The following RSU1 variants were observed in gnomAD, a reference collection of about 807,000 sequenced individuals.
The protein encoded by RSU1 is Ras suppressor protein 1.
RSU1 carries 26 observed loss-of-function variants against 31.1 expected under a neutral mutation model. That is an observed-to-expected ratio of 0.84 (90% CI 0.61 to 1.16). The LOEUF (loss-of-function observed/expected upper bound fraction) is 1.16. Ranked by LOEUF, RSU1 falls within the 50% of genes most tolerant of loss-of-function variation. The pLI, the probability that RSU1 is intolerant of heterozygous loss-of-function variation, is 0.00. For synonymous variants in RSU1, 164 were observed against 136.3 expected (o/e 1.20, Z -1.41); for missense variants, 320 against 339.1 (o/e 0.94, Z 0.44).
At chr10:16,712,915 G>A (rs1836051075) in intron 7 of RSU1, among the ~76,000 whole-genome samples, 3 of 152,118 alleles carry the variant, frequency 2.0e-5, no homozygotes, top group South Asian at 4.1e-4. Flanking sequence ...GCCTTTGCTT[G>A]TCTGAAAAGG....
In RSU1 at chr10:16,764,518, A is replaced by G; in HGVS notation, c.161-8T>C. ...CGATGTTCGGTGGCACCACTATGGA[A>G]ACAAAAATGCTGAGTGTGAATCTGG... On this transcript the variant is annotated splice_polypyrimidine_tract_variant and splice_region_variant and intron_variant, in intron 3 of 8. Transcript: ENST00000345264. 6.2e-7 allele frequency: 1 copy of G among 1,611,120 alleles called. No homozygotes were observed. Among genetic ancestry groups the G allele is most frequent in the Non-Finnish European group, 8.5e-7 (1 of 1,178,622 alleles).
In RSU1 at chr10:16,737,565, A is replaced by G. The variant is rs1588503636; in HGVS notation, c.598+14974T>C. Among the ~76,000 whole-genome samples the G allele has an allele frequency of 2.6e-5, 4 of 152,272 alleles. No individual in the cohort carries two copies. The South Asian group carries it at 6.2e-4, about 24-fold the overall frequency. ...ATTTCAGATAAACAAAAGCTAATTA[A>G]TGACCAAAAAGAACTGTACTACAAT... On this transcript the variant is annotated intron_variant, in intron 7 of 8. Coordinates refer to ENST00000345264, the MANE Select transcript of RSU1 (RefSeq NM_012425.4).
At chr10:16,764,288 C>T in intron 4 of RSU1, 102 bp downstream of exon 4, 1 of 1,272,732 alleles carries the variant, frequency 7.9e-7, no homozygotes, top group South Asian at 2.3e-5. Flanking sequence ...ATTAGAAATC[C>T]ATTTCTGTGC....
chr10:16,673,180 C>T (rs185577428), intron 8 of RSU1, among the ~76,000 whole-genome samples: 18 of 152,212 alleles, frequency 1.2e-4, no homozygotes, highest in African/African-American at 3.6e-4. Context: ...CCATAAGTCC[C>T]GCTGGGAGAA....
intron 8 of RSU1, among the ~76,000 whole-genome samples, chr10:16,693,928 T>G (rs7089544): frequency 0.34 from 52,233 of 152,034 alleles, 9,398 homozygotes; most frequent in Middle Eastern, 0.43. Flanking sequence ...AAAAACAGAT[T>G]ACATTTGAGT....
intron 2 of RSU1, among the ~76,000 whole-genome samples, chr10:16,798,531 A>G (rs1322458710): frequency 6.6e-6 from 1 of 152,050 alleles, no homozygotes; most frequent in East Asian, 1.9e-4. Context: ...GCACTTCTCC[A>G]TCCTACTGCC....
chr10:16,697,555 T>C (rs1835703229), intron 7 of RSU1, among the ~76,000 whole-genome samples: 1 of 151,748 alleles, frequency 6.6e-6, no homozygotes, highest in African/African-American at 2.4e-5. Context: ...TCCCAGCCTC[T>C]TGGGAGGCTG....
chr10:16,772,450 C>T (rs1837439791), intron 3 of RSU1, among the ~76,000 whole-genome samples: 1 of 151,994 alleles, frequency 6.6e-6, no homozygotes, highest in Non-Finnish European at 1.5e-5. Context: ...TGTGCGACCC[C>T]TCCAGCAAAG....
rs532032572 is a variant in RSU1 at position 16,714,840 on chromosome 10, GGGT to G, written c.599-19688_599-19686del. On this transcript the variant is annotated intron_variant, in intron 7 of 8. Coordinates refer to ENST00000345264, the MANE Select transcript of RSU1 (RefSeq NM_012425.4). ...ACAGAGTTGAAGCTGCTTAGGTTGC[GGGT>G]CCTCAATGTGGACACTGAGGCATTG... Among the ~76,000 whole-genome samples, 167 of 152,240 alleles carry G rather than the reference GGGT, an allele frequency of 1.1e-3. No homozygotes were observed. The South Asian group carries it at 0.022, about 20-fold the overall frequency.
At chr10:16,596,386 T>G (rs1389619715) in intron 8 of RSU1, among the ~76,000 whole-genome samples, 2 of 152,132 alleles carry the variant, frequency 1.3e-5, no homozygotes, top group Admixed American at 6.5e-5. Context: ...TTCCTCATCC[T>G]CCAAGCTCCG....
chr10:16,663,448 G>GATAC (rs1354354074), intron 8 of RSU1, among the ~76,000 whole-genome samples: 2 of 152,120 alleles, frequency 1.3e-5, no homozygotes, highest in African/African-American at 2.4e-5. Context: ...TATCAAGCAA[G>GATAC]ACTCTTCGAA....
At chr10:16,730,350 G>A (rs761113561) in intron 7 of RSU1, among the ~76,000 whole-genome samples, 3 of 152,142 alleles carry the variant, frequency 2.0e-5, no homozygotes, top group Non-Finnish European at 2.9e-5. Context: ...CCTCATGCAC[G>A]TGAGCTGTAC....
intron 8 of RSU1, among the ~76,000 whole-genome samples, chr10:16,669,949 T>C (rs1835076285): frequency 6.6e-6 from 1 of 152,218 alleles, no homozygotes; most frequent in Non-Finnish European, 1.5e-5. Flanking sequence ...TTTAATAGCA[T>C]ATAGTATGTC....
chr10:16,783,452 T>C (rs559915365), intron 2 of RSU1, among the ~76,000 whole-genome samples: 37 of 148,946 alleles, frequency 2.5e-4, no homozygotes, highest in Non-Finnish European at 4.1e-4. Context: ...GCCTCCCAAG[T>C]TCAAGCGATT....
At chr10:16,764,341 C>A in intron 4 of RSU1, 49 bp downstream of exon 4, 1 of 1,539,002 alleles carries the variant, frequency 6.5e-7, no homozygotes, top group Non-Finnish European at 8.8e-7. Context: ...ACCCGGCATG[C>A]CCCTTCCACT....
At chr10:16,652,392 C>CA (rs71505091) in intron 8 of RSU1, among the ~76,000 whole-genome samples, 22,237 of 89,106 alleles carry the variant, frequency 0.25, 3,072 homozygotes, top group South Asian at 0.38. Context: ...TGCCCCAAAG[C>CA]AAAAAAAAAA....
chr10:16,753,111 C>T lies in RSU1; in HGVS notation c.401-111G>A, dbSNP rs111917172. 1.2e-3 allele frequency: 864 copies of T among 740,268 alleles called. 10 individuals are homozygous for T. The African/African-American group carries it at 0.012, about 10-fold the overall frequency. The allele number at this position is 740,268 out of a possible 1,614,324, so 45.9% of individuals were successfully genotyped here. The stretch of plus-strand genomic sequence containing the variant: ...TTAATAACCCTGGCTTGGTGAAAAG[C>T]CTTTGACATACCTAGGGCTCCCAAT... On this transcript the variant is annotated intron_variant, in intron 5 of 8. Coordinates refer to ENST00000345264, the MANE Select transcript of RSU1 (RefSeq NM_012425.4).
At chr10:16,704,361 T>C (rs1331744709) in intron 7 of RSU1, among the ~76,000 whole-genome samples, 1 of 152,196 alleles carries the variant, frequency 6.6e-6, no homozygotes, top group Non-Finnish European at 1.5e-5. Context: ...TGATCTCATC[T>C]TAAAATTAAG....
chr10:16,735,462 T>A lies in RSU1; in HGVS notation c.598+17077A>T, dbSNP rs1354626479. Among the ~76,000 whole-genome samples, 4 of 152,316 alleles carry A rather than the reference T, an allele frequency of 2.6e-5. No homozygotes were observed. In the South Asian group the frequency reaches 6.2e-4, roughly 24 times the overall value. ...CACATTGGCAGTTATCAAAAATTAATCCAGACTTTTGCTTCTGGCATTCTG... is the reference window on the plus strand; with the variant it reads ...CACATTGGCAGTTATCAAAAATTAAACCAGACTTTTGCTTCTGGCATTCTG... On this transcript the variant is annotated intron_variant, in intron 7 of 8. Coordinates refer to ENST00000345264, the MANE Select transcript of RSU1 (RefSeq NM_012425.4).
Sources: gnomAD v4.1 joint callset for allele counts (sites outside exome capture counted in the v4.1 genomes callset) on GRCh38, gnomAD v4.1.1 for gene constraint, MANE v1.5 for transcripts, NCBI Gene and HGNC (gene_info 2026-07-23, HGNC 2026-07-21) for gene names.